Variants in HS1BP3 observed in about 807,000 individuals in gnomAD.
HS1BP3 encodes HCLS1-binding protein 3.
HS1BP3 carries 32 observed loss-of-function variants against 33.5 expected under a neutral mutation model. The observed-to-expected ratio is 0.95, with a 90% CI of 0.72 to 1.28. HS1BP3 has a LOEUF of 1.28. Among genes scored for constraint, HS1BP3 ranks in the 50% most tolerant of loss-of-function variants. The probability of loss-of-function intolerance (pLI) is 0.00; values close to 1 mark genes in which losing one functional copy is unlikely to be tolerated. For missense variants in HS1BP3, 486 were observed against 502.3 expected (o/e 0.97, Z 0.31); for synonymous variants, 187 against 209.2 (o/e 0.89, Z 0.92).
chr2:20,560,896 G>A (rs762859956), intron 5 of HS1BP3, among the ~76,000 whole-genome samples: 13 of 152,094 alleles, frequency 8.5e-5, no homozygotes, highest in Non-Finnish European at 8.8e-5. Flanking sequence ...AAGGGAGTGG[G>A]TGTGATGGTG....
chr2:20,588,198 T>C (rs1693727928), downstream of HS1BP3, among the ~76,000 whole-genome samples: 1 of 152,182 alleles, frequency 6.6e-6, no homozygotes, highest in Non-Finnish European at 1.5e-5. Context: ...TGTCTATGCT[T>C]TTCTATATTT....
Position 20,562,932 on chromosome 2 carries a change from T to C in HS1BP3, c.303-2417A>G, listed in dbSNP as rs1176718796. 5.3e-5 allele frequency among the ~76,000 whole-genome samples: 8 copies of C among 152,272 alleles called. No homozygotes were observed. The East Asian group carries it at 1.5e-3, about 29-fold the overall frequency. On this transcript the variant is annotated intron_variant, in intron 5 of 5. Transcript: ENST00000446825. ...CATACATGTATCCTCACTTTCCCTC[T>C]CCACCAACCTCCCCGCTCCCCAGTA...
intron 5 of HS1BP3, among the ~76,000 whole-genome samples, chr2:20,574,279 A>G (rs1358485574): frequency 1.3e-5 from 2 of 152,208 alleles, no homozygotes; most frequent in African/African-American, 4.8e-5. Flanking sequence ...TAATCAAAGA[A>G]CAAGCTCTTA....
At chr2:20,560,213 G>C (rs183927406), downstream of HS1BP3, among the ~76,000 whole-genome samples, 25 of 152,344 alleles carry the variant, frequency 1.6e-4, no homozygotes, top group African/African-American at 6.0e-4. Context: ...GGTGGTTCCA[G>C]GGCTGGTAGA....
intron 5 of HS1BP3, among the ~76,000 whole-genome samples, chr2:20,563,297 T>A (rs765130072): frequency 2.0e-5 from 3 of 152,218 alleles, no homozygotes; most frequent in Non-Finnish European, 4.4e-5. Flanking sequence ...ATGGGGAAAC[T>A]GAGGCCCAGA....
intron 3 of HS1BP3, 31 bp from the exon 4 acceptor site, chr2:20,638,683 G>C: frequency 6.4e-7 from 1 of 1,567,264 alleles, no homozygotes; most frequent in Non-Finnish European, 8.8e-7. Flanking sequence ...GAATGGACTT[G>C]GTAACCACCC....
intron 4 of HS1BP3, among the ~76,000 whole-genome samples, chr2:20,625,438 A>C (rs944134227): frequency 3.3e-5 from 5 of 152,202 alleles, no homozygotes; most frequent in African/African-American, 1.2e-4. Flanking sequence ...GGCTCAGAGA[A>C]CCACACTCCA....
chr2:20,585,966 G>A (rs1423859792), intron 5 of HS1BP3, among the ~76,000 whole-genome samples: 4 of 152,220 alleles, frequency 2.6e-5, no homozygotes, highest in Non-Finnish European at 4.4e-5. Context: ...ACACAGCTGG[G>A]AGGAGGCAGG....
chr2:20,586,070 G>C (rs943341398), intron 5 of HS1BP3, among the ~76,000 whole-genome samples: 1 of 152,230 alleles, frequency 6.6e-6, no homozygotes, highest in African/African-American at 2.4e-5. Flanking sequence ...CCAGCTACAG[G>C]CTCCGAGGTT....
At chr2:20,625,045 G>A (rs1270912695) in intron 4 of HS1BP3, among the ~76,000 whole-genome samples, 153 bp from the exon 5 acceptor site, 2 of 152,228 alleles carry the variant, frequency 1.3e-5, no homozygotes, top group East Asian at 1.9e-4. Flanking sequence ...AAGTCCTGGA[G>A]GGGGCCACCC....
intron 2 of HS1BP3, among the ~76,000 whole-genome samples, chr2:20,609,093 T>A (rs1382242588): frequency 6.6e-6 from 1 of 152,180 alleles, no homozygotes; most frequent in African/African-American, 2.4e-5. Context: ...CTGATGCCCA[T>A]CCAAGAAACA....
intron 3 of HS1BP3, 140 bp from the exon 4 acceptor site, chr2:20,638,792 T>A (rs1695249625): frequency 4.5e-6 from 3 of 660,534 alleles, no homozygotes; most frequent in Admixed American, 5.7e-5. Flanking sequence ...TCGTCCCTCC[T>A]GGGACCTAAG....
intron 5 of HS1BP3, among the ~76,000 whole-genome samples, chr2:20,561,590 T>C (rs746560676): frequency 1.3e-5 from 2 of 152,138 alleles, no homozygotes; most frequent in Non-Finnish European, 2.9e-5. Flanking sequence ...TCCACACATA[T>C]GCATATGCGT....
chr2:20,640,801 C>T (rs971326394), intron 3 of HS1BP3, 172 bp downstream of exon 3: 1 of 663,960 alleles, frequency 1.5e-6, no homozygotes. Flanking sequence ...GGGTAGGCCT[C>T]CTTCTGCCCA....
intron 6 of HS1BP3, among the ~76,000 whole-genome samples, chr2:20,620,221 A>G (rs796391685): frequency 8.5e-5 from 13 of 152,228 alleles, no homozygotes; most frequent in African/African-American, 3.1e-4. Context: ...ATCTCCAAAC[A>G]CTGTGTGGTC....
At chr2:20,559,053 G>A (rs2149268513), downstream of HS1BP3, among the ~76,000 whole-genome samples, 1 of 152,352 alleles carries the variant, frequency 6.6e-6, no homozygotes, top group African/African-American at 2.4e-5. Flanking sequence ...CGTGAATGCA[G>A]GAAGGAAAGT....
intron 2 of HS1BP3, among the ~76,000 whole-genome samples, chr2:20,644,493 A>G (rs924783118): frequency 1.3e-5 from 2 of 152,212 alleles, no homozygotes; most frequent in African/African-American, 2.4e-5. Context: ...ATCCATCCAC[A>G]GGGCAGACAC....
intron 6 of HS1BP3, among the ~76,000 whole-genome samples, chr2:20,620,247 G>A (rs1694554569): frequency 1.3e-5 from 2 of 152,210 alleles, no homozygotes; most frequent in Non-Finnish European, 2.9e-5. Flanking sequence ...GATTAGCCCC[G>A]TTTTACAGCT....
intron 5 of HS1BP3, among the ~76,000 whole-genome samples, chr2:20,579,722 C>T (rs1172273316): frequency 9.2e-5 from 14 of 152,248 alleles, no homozygotes. Flanking sequence ...GAATACCCTC[C>T]CTCCAGGACC....
Sources: gnomAD v4.1 joint callset for allele counts (sites outside exome capture counted in the v4.1 genomes callset) on GRCh38, gnomAD v4.1.1 for gene constraint, MANE v1.5 for transcripts, NCBI Gene and HGNC (gene_info 2026-07-23, HGNC 2026-07-21) for gene names.